RPS15A: variants seen among roughly 807,000 people sequenced by gnomAD.
The protein encoded by RPS15A is ribosomal protein S15a.
For synonymous variants in RPS15A, 55 were observed against 58.5 expected (o/e 0.94, Z 0.27); for missense variants, 62 against 163.4 (o/e 0.38, Z 3.38).
At chr16:18,786,269 G>A in intron 3 of RPS15A, 1 of 209,748 alleles carries the variant, frequency 4.8e-6, no homozygotes. Context: ...GGAGGCTGAG[G>A]CAGGAGAATC....
intron 1 of RPS15A, chr16:18,789,874 C>A (rs1303747253): frequency 1.3e-5 from 2 of 152,280 alleles, no homozygotes; most frequent in Admixed American, 1.3e-4. Context: ...AAACTGCCAA[C>A]CCCGGCACGA....
rs2029962761 is a variant in RPS15A at position 18,789,126 on chromosome 16, A to C, written c.-5-8T>G. 3 of 1,606,970 alleles carry C rather than the reference A, an allele frequency of 1.9e-6. No homozygotes were observed. In the East Asian group the frequency reaches 6.7e-5, roughly 36 times the overall value. On this transcript the variant is annotated splice_region_variant and splice_polypyrimidine_tract_variant and intron_variant, in intron 1 of 4. Coordinates refer to ENST00000322989, the MANE Select transcript of RPS15A (RefSeq NM_001019.5). ...TCATGCGCACCATTGTGGCTGTTCAAGGAAGACAAAACAGGAGGTTTTACT... is the reference window on the plus strand; with the variant it reads ...TCATGCGCACCATTGTGGCTGTTCACGGAAGACAAAACAGGAGGTTTTACT...
chr16:18,784,637 G>A, intron 4 of RPS15A, 101 bp downstream of exon 4: 1 of 846,890 alleles, frequency 1.2e-6, no homozygotes, highest in Non-Finnish European at 1.9e-6. Flanking sequence ...AATTACCACT[G>A]CTTTGTTTTA....
rs1194985227 is a variant in RPS15A, at chr16:18,785,984, C to T, written c.214-1161G>A. ...AATCAATCTAGTCTTTACACACTAC[C>T]TTACTTCCAAGCTCAATTTCCACGC... On this transcript the variant is annotated intron_variant, in intron 3 of 4. Transcript: ENST00000322989. The T allele has an allele frequency of 2.0e-5, 3 of 152,296 alleles. No homozygotes were observed. The East Asian group carries it at 5.8e-4, about 29-fold the overall frequency. 9.4% of individuals were successfully genotyped at this position (152,296 alleles called of 1,614,324 possible).
intron 1 of RPS15A, 99 bp from the exon 2 acceptor site, chr16:18,789,217 A>G: frequency 7.9e-7 from 1 of 1,263,426 alleles, no homozygotes; most frequent in Non-Finnish European, 1.1e-6. Flanking sequence ...TTCTGGCCCC[A>G]CCTTGGCGAA....
intron 2 of RPS15A, 86 bp from the exon 3 acceptor site, chr16:18,788,228 C>G: frequency 1.2e-6 from 1 of 822,742 alleles, no homozygotes; most frequent in Admixed American, 2.0e-5. Flanking sequence ...ATTCTTCACT[C>G]TCCCATCACC....
intron 3 of RPS15A, 44 bp downstream of exon 3, chr16:18,788,019 A>C: frequency 1.6e-6 from 2 of 1,251,020 alleles, no homozygotes; most frequent in Non-Finnish European, 2.4e-6. Flanking sequence ...CGCCACAGTA[A>C]AAAATTCTTA....
intron 3 of RPS15A, chr16:18,786,242 G>A (rs889102573): frequency 1.3e-5 from 3 of 232,278 alleles, no homozygotes; most frequent in South Asian, 3.9e-5. Flanking sequence ...GCACTCACCT[G>A]TAATCTCAGC....
rs939350699 is a variant in RPS15A, at chr16:18,783,042, G to A, written c.360C>T (p.His120=). The part of the protein sequence containing the change: ...IMDHEEARRK[H]TGGKILGFFF ...AGAATCCCAGGATTTTCCCTCCTGT[G>A]TGTTTTCGTCTTGCTTCTTCATGGT... The change falls in exon 5 of 5, where the codon CAC becomes CAT. Residue 120 remains histidine (H), a synonymous_variant. Transcript: ENST00000322989. The A allele has an allele frequency of 5.6e-6, 9 of 1,597,944 alleles. No individual in the cohort carries two copies. In the African/African-American group the frequency reaches 6.7e-5, roughly 12 times the overall value.
Position 18,782,933 on chromosome 16 carries a change from G to T in RPS15A, c.*76C>A. 1.1e-6 allele frequency: 1 copy of T among 881,614 alleles called. No homozygotes were observed. The highest frequency in any genetic ancestry group is 1.5e-5 in the South Asian group (1 of 68,346). 54.6% of individuals were successfully genotyped at this position (881,614 alleles called of 1,614,324 possible). On this transcript the variant is annotated 3_prime_UTR_variant, in exon 5 of 5. Coordinates refer to ENST00000322989, the MANE Select transcript of RPS15A (RefSeq NM_001019.5). ...CCGCAGAAGCTGTGGCTACACTGCT[G>T]TAAAGGCTCAAAACGACCAAGTGGA...
chr16:18,786,991 A>C (rs953787826), intron 3 of RPS15A, among the ~76,000 whole-genome samples: 2 of 152,088 alleles, frequency 1.3e-5, no homozygotes, highest in Non-Finnish European at 2.9e-5. Flanking sequence ...CAGTCTCCGG[A>C]GTACCTGGGA....
intron 4 of RPS15A, chr16:18,783,596 G>A (rs1418673676): frequency 2.2e-6 from 1 of 453,590 alleles, no homozygotes; most frequent in African/African-American, 2.0e-5. Context: ...ATTAAAATCA[G>A]TATCATAATT....
rs572597014 is a variant in RPS15A, at chr16:18,782,788, T to G, written c.*221A>C. 7.2e-6 allele frequency: 3 copies of G among 419,508 alleles called. No individual in the cohort carries two copies. The South Asian group carries it at 1.7e-4, about 23-fold the overall frequency. 26.0% of individuals were successfully genotyped at this position (419,508 alleles called of 1,614,324 possible). On this transcript the variant is annotated 3_prime_UTR_variant, in exon 5 of 5. Transcript: ENST00000322989. ...ATATTTAGTGTCAAATACCTGGTTT[T>G]GGCAGACAGCAGGGGTGACTGTTTC...
intron 4 of RPS15A, 112 bp from the exon 5 acceptor site, chr16:18,783,214 A>C (rs982999573): frequency 2.2e-5 from 15 of 676,048 alleles, no homozygotes; most frequent in Non-Finnish European, 3.6e-5. Context: ...CCTGTGGGGC[A>C]CATAGGAACT....
chr16:18,789,581 T>C (rs1217521027), intron 1 of RPS15A, among the ~76,000 whole-genome samples: 2 of 152,364 alleles, frequency 1.3e-5, no homozygotes, highest in Admixed American at 1.3e-4. Context: ...AACATTGTAC[T>C]TTAAATCAGT....
At chr16:18,788,652 CTGA>C (rs2029946722) in intron 2 of RPS15A, 2 of 222,726 alleles carry the variant, frequency 9.0e-6, no homozygotes, top group African/African-American at 4.6e-5. Flanking sequence ...CCACGACCGG[CTGA>C]TTTTTGTTTT....
At chr16:18,783,361 T>C (rs1267046673) in intron 4 of RPS15A, 2 of 479,096 alleles carry the variant, frequency 4.2e-6, no homozygotes, top group Admixed American at 3.6e-5. Context: ...CAAACTGCAC[T>C]GAAAACAAAG....
At chr16:18,787,905 C>T (rs942949619) in intron 3 of RPS15A, 158 bp downstream of exon 3, 1 of 623,646 alleles carries the variant, frequency 1.6e-6, no homozygotes, top group East Asian at 2.7e-5. Context: ...CCCAGGAGAG[C>T]AAATGAAGTT....
intron 4 of RPS15A, chr16:18,783,560 A>G: frequency 2.4e-6 from 1 of 423,064 alleles, no homozygotes. Flanking sequence ...TCACTGTAAC[A>G]AGCATATAGT....
Sources: allele counts gnomAD v4.1 joint callset (sites outside exome capture counted in the v4.1 genomes callset), GRCh38; gene constraint gnomAD v4.1.1; transcripts MANE v1.5; gene names NCBI Gene and HGNC (gene_info 2026-07-23, HGNC 2026-07-21).